TRANK1: variants seen among roughly 807,000 people sequenced by gnomAD.
The protein encoded by TRANK1 is TPR and ankyrin repeat-containing protein 1.
A neutral mutation model predicts 266.0 loss-of-function variants in TRANK1; 198 were observed. The ratio of observed to expected loss-of-function variants is 0.74; its 90% CI spans 0.66 to 0.84. The LOEUF (loss-of-function observed/expected upper bound fraction) is 0.84, where lower values mean the gene tolerates loss of function less well. Among genes scored for constraint, TRANK1 ranks in the 40% least tolerant of loss-of-function variants. TRANK1 has a pLI of 0.00. For missense variants in TRANK1, 3,326 were observed against 3,634.6 expected, an observed-to-expected ratio of 0.92 and a Z score of 2.18; for synonymous variants, 1,396 against 1,384.1, an observed-to-expected ratio of 1.01 and a Z score of -0.19.
intron 8 of TRANK1, among the ~76,000 whole-genome samples, chr3:36,878,010 G>A (rs547726285): frequency 6.9e-4 from 105 of 151,174 alleles, no homozygotes; most frequent in African/African-American, 2.5e-3. Context: ...AAACATGCGA[G>A]TCAATAGTTT....
chr3:36,851,829 T>G lies in TRANK1; in HGVS notation c.4777A>C (p.Lys1593Gln). 6.2e-7 allele frequency: 1 copy of G among 1,605,220 alleles called. No individual in the cohort carries two copies. Among genetic ancestry groups the G allele is most frequent in the Non-Finnish European group, 8.5e-7 (1 of 1,175,922 alleles). ...QVILVANETAKEKIPEELGLA... is the reference protein window; with the variant it reads ...QVILVANETAQEKIPEELGLA... ...CCCAGCTCTTCTGGAATTTTCTCCT[T>G]TGCCGTTTCATTGGCCACAAGGATT... Residue 1593 changes from lysine (K) to glutamine (Q), a missense_variant, in exon 15 of 24, where the codon AAG (lysine) becomes CAG (glutamine). Physicochemically the swap from Lys to Gln is moderately conservative, Grantham distance 53 (BLOSUM62 1). Coordinates refer to ENST00000645898, the MANE Select transcript of TRANK1 (RefSeq NM_001329998.2).
At position 36,866,026 on chromosome 3, in the gene TRANK1, AAGAG is replaced by A. The variant is rs1174930935; in HGVS notation, c.1079-1550_1079-1547del. ...AAAGAGAGAGAGACAGACAGAAAGA[AAGAG>A]AGAGAGAGACAGACAGAAAGAAAAA... is the stretch of plus-strand genomic sequence containing the variant. On this transcript the variant is annotated intron_variant, in intron 9 of 23. Coordinates refer to ENST00000645898, the MANE Select transcript of TRANK1 (RefSeq NM_001329998.2). 1.8e-3 allele frequency among the ~76,000 whole-genome samples: 271 copies of A among 149,620 alleles called. 1 individual carries two copies. The highest frequency in any genetic ancestry group is 4.9e-3 in the South Asian group (23 of 4,696).
At position 36,916,393 on chromosome 3, in the gene TRANK1, G is replaced by A. The variant is rs867178950; in HGVS notation, c.24-7939C>T. ...AGCCTGACCAACATGGTGAAACTCC[G>A]TCTCTCCTAAAAAATACAAATTAGC... On this transcript the variant is annotated intron_variant, in intron 1 of 23. Transcript: ENST00000645898. Among the ~76,000 whole-genome samples, 83 of 152,064 alleles carry A rather than the reference G, an allele frequency of 5.5e-4. 1 individual carries two copies. The highest frequency in any genetic ancestry group is 1.8e-4 in the Non-Finnish European group (12 of 68,006).
At chr3:36,843,934 C>T (rs900427128) in intron 17 of TRANK1, among the ~76,000 whole-genome samples, 7 of 152,130 alleles carry the variant, frequency 4.6e-5, no homozygotes, top group African/African-American at 1.4e-4. Flanking sequence ...TTAATTCCCA[C>T]GGCAAAACCC....
At chr3:36,926,301 G>A (rs2080287511) in intron 1 of TRANK1, among the ~76,000 whole-genome samples, 1 of 152,116 alleles carries the variant, frequency 6.6e-6, no homozygotes, top group South Asian at 2.1e-4. Context: ...AACATCACAG[G>A]TTGCTAACAT....
rs2078648341 is a variant in TRANK1, at chr3:36,827,825, A to C, written c.*450T>G. On this transcript the variant is annotated 3_prime_UTR_variant, in exon 24 of 24. Coordinates refer to ENST00000645898, the MANE Select transcript of TRANK1 (RefSeq NM_001329998.2). ...TGGGCACATACAGCTCTCATAGCAC[A>C]CTTGATGCTGCAGCAGTGTGGCAGG... 6.3e-6 allele frequency: 1 copy of C among 159,398 alleles called. No homozygotes were observed. The highest frequency in any genetic ancestry group is 2.4e-5 in the African/African-American group (1 of 41,598). The allele number at this position is 159,398 out of a possible 1,614,324, so 9.9% of individuals were successfully genotyped here.
chr3:36,841,931 G>T (rs1353111631), intron 18 of TRANK1, among the ~76,000 whole-genome samples: 2 of 152,116 alleles, frequency 1.3e-5, no homozygotes, highest in Non-Finnish European at 2.9e-5. Context: ...TTTTAGTAGG[G>T]TGTTTAAAAC....
At chr3:36,940,264 G>A (rs564014601) in intron 1 of TRANK1, among the ~76,000 whole-genome samples, 173 of 151,424 alleles carry the variant, frequency 1.1e-3, no homozygotes, top group South Asian at 2.1e-3. Context: ...TTGGGAGGCC[G>A]AGGCGGGTGG....
At position 36,831,754 on chromosome 3, in the gene TRANK1, C is replaced by T; in HGVS notation, c.7829G>A (p.Arg2610Lys). 1.2e-6 allele frequency: 2 copies of T among 1,613,976 alleles called. No homozygotes were observed. The highest frequency in any genetic ancestry group is 1.7e-6 in the Non-Finnish European group (2 of 1,179,890). ...GACCCGCTTCACCACCTTCAGGAGCCTCTCGGGAACCTGGCCAGGGCAGTC... is the reference window on the plus strand; with the variant it reads ...GACCCGCTTCACCACCTTCAGGAGCTTCTCGGGAACCTGGCCAGGGCAGTC... ...SMDCPGQVPE[R>K]LLKVVKRVLV... Residue 2610 changes from arginine (R) to lysine (K), a missense_variant, in exon 22 of 24, where the codon AGG becomes AAG. By Grantham distance (26) the Arg-to-Lys change is conservative. Coordinates refer to ENST00000645898, the MANE Select transcript of TRANK1 (RefSeq NM_001329998.2). The surrounding 1 kb of genome is among the most constrained non-coding windows in gnomAD (Gnocchi z 5.0).
rs201019383 is a variant in TRANK1, at chr3:36,884,933, G to GA, written c.907+4895dup. On this transcript the variant is annotated intron_variant, in intron 8 of 23. Coordinates refer to ENST00000645898, the MANE Select transcript of TRANK1 (RefSeq NM_001329998.2). ...GGAGACAGAGCAAGACTCTGTCTCA[G>GA]AAAAAAAAAAAAAAAAATTAAACAA... Among the ~76,000 whole-genome samples, 965 of 109,528 alleles carry GA rather than the reference G, an allele frequency of 8.8e-3. 1 individual carries two copies. Among genetic ancestry groups the GA allele is most frequent in the African/African-American group, 0.012 (391 of 31,622 alleles). The allele number at this position is 109,528 out of a possible 152,430, so 71.9% of individuals were successfully genotyped here.
intron 1 of TRANK1, among the ~76,000 whole-genome samples, chr3:36,916,417 G>C (rs1213891179): frequency 6.6e-6 from 1 of 152,188 alleles, no homozygotes; most frequent in Non-Finnish European, 1.5e-5. Flanking sequence ...ATACAAATTA[G>C]CTGGGCATGG....
chr3:36,879,949 A>T (rs1337682285), intron 8 of TRANK1, among the ~76,000 whole-genome samples: 1 of 10,174 alleles, frequency 9.8e-5, no homozygotes, highest in Non-Finnish European at 1.6e-4. Flanking sequence ...TAAACATGCA[A>T]ATATATGTAA....
At chr3:36,908,697 T>G in intron 1 of TRANK1, 1 of 924,164 alleles carries the variant, frequency 1.1e-6, no homozygotes, top group Non-Finnish European at 1.3e-6. Flanking sequence ...TATTCAGCAT[T>G]AATGATCTGG....
chr3:36,936,315 T>C lies in TRANK1; in HGVS notation c.23+8472A>G, dbSNP rs544915753. ...GCCTGGGCAACATAGCGAGATCACA[T>C]CTCTACAAAAAAATTAAAAGTTAGC... On this transcript the variant is annotated intron_variant, in intron 1 of 23. Transcript: ENST00000645898. Among the ~76,000 whole-genome samples, 13 of 151,986 alleles carry C rather than the reference T, an allele frequency of 8.6e-5. No homozygotes were observed. In the South Asian group the frequency reaches 2.7e-3, roughly 32 times the overall value.
At chr3:36,859,321 C>G (rs1408621684) in intron 11 of TRANK1, among the ~76,000 whole-genome samples, 1 of 151,098 alleles carries the variant, frequency 6.6e-6, no homozygotes, top group Admixed American at 6.6e-5. Flanking sequence ...GCAGAACGTG[C>G]AGGTTTGTTA....
chr3:36,905,821 A>G (rs2079958775), intron 2 of TRANK1, among the ~76,000 whole-genome samples: 1 of 152,176 alleles, frequency 6.6e-6, no homozygotes, highest in African/African-American at 2.4e-5. Flanking sequence ...TCCTTGTGCC[A>G]TCCTGCCTCC....
intron 18 of TRANK1, among the ~76,000 whole-genome samples, chr3:36,839,654 A>T (rs1196258846): frequency 6.6e-6 from 1 of 152,152 alleles, no homozygotes; most frequent in Non-Finnish European, 1.5e-5. Context: ...ATGTTCCTCA[A>T]AGAAGGGTTC....
Position 36,929,792 on chromosome 3 carries a change from C to T in TRANK1, c.23+14995G>A, listed in dbSNP as rs1403325515. On this transcript the variant is annotated intron_variant, in intron 1 of 23. Transcript: ENST00000645898. Reference sequence around the variant, plus strand: ...ACTATCCCTGGATTATCAGGGTGAGCGCAATCTAATGACAAGAACTCTTTG... The same window carrying T: ...ACTATCCCTGGATTATCAGGGTGAGTGCAATCTAATGACAAGAACTCTTTG... 1.1e-4 allele frequency among the ~76,000 whole-genome samples: 17 copies of T among 152,188 alleles called. 2 individuals carry two copies. Among genetic ancestry groups the T allele is most frequent in the Admixed American group, 7.2e-4 (11 of 15,290 alleles).
intron 18 of TRANK1, 71 bp from the exon 19 acceptor site, chr3:36,838,787 G>T (rs2078804853): frequency 1.2e-5 from 17 of 1,454,246 alleles, no homozygotes; most frequent in Non-Finnish European, 1.5e-5. Context: ...GTTAAAGCAT[G>T]CATTATAAGT....
Sources: gnomAD v4.1 joint callset for allele counts (sites outside exome capture counted in the v4.1 genomes callset) on GRCh38, gnomAD v4.1.1 for gene constraint, Gnocchi (gnomAD v3.1) non-coding constraint, MANE v1.5 for transcripts, NCBI Gene and HGNC (gene_info 2026-07-23, HGNC 2026-07-21) for gene names.